The following ATP9B variants were observed in gnomAD, a reference collection of about 807,000 sequenced individuals.
ATP9B encodes the protein ATPase phospholipid transporting 9B, also known as probable phospholipid-transporting ATPase IIB.
A neutral mutation model predicts 146.1 loss-of-function variants in ATP9B; 110 were observed. The ratio of observed to expected loss-of-function variants is 0.75; its 90% CI spans 0.65 to 0.88. ATP9B has a LOEUF of 0.88. Among genes scored for constraint, ATP9B ranks in the 40% least tolerant of loss-of-function variants. ATP9B has a pLI of 0.00. For synonymous variants in ATP9B, 604 were observed against 569.7 expected, an observed-to-expected ratio of 1.06 and a Z score of -0.86; for missense variants, 1,499 against 1,496.4, an observed-to-expected ratio of 1.00 and a Z score of -0.03.
chr18:79,137,291 G>T (rs78711049), intron 5 of ATP9B, among the ~76,000 whole-genome samples: 2 of 152,000 alleles, frequency 1.3e-5, no homozygotes, highest in Non-Finnish European at 2.9e-5. Flanking sequence ...TTTTCTCCTC[G>T]TATGGGTCAT....
At chr18:79,178,978 A>G (rs181771103) in intron 8 of ATP9B, among the ~76,000 whole-genome samples, 65 of 152,326 alleles carry the variant, frequency 4.3e-4, no homozygotes, top group African/African-American at 1.5e-3. Context: ...TTTTGGAACT[A>G]TCTGATCCAA....
chr18:79,212,075 A>G (rs559016251), intron 10 of ATP9B, among the ~76,000 whole-genome samples: 2 of 152,280 alleles, frequency 1.3e-5, no homozygotes, highest in African/African-American at 4.8e-5. Flanking sequence ...TTTGCCTTGT[A>G]TACTCAGGTT....
intron 14 of ATP9B, among the ~76,000 whole-genome samples, chr18:79,305,301 CTT>C: frequency 6.6e-6 from 1 of 152,340 alleles, no homozygotes; most frequent in African/African-American, 2.4e-5. Context: ...AAAACCTTCT[CTT>C]TCTTGTATAC....
Position 79,085,308 on chromosome 18 carries a change from T to C in ATP9B, c.120-11168T>C, listed in dbSNP as rs2073713100. On this transcript the variant is annotated intron_variant, in intron 1 of 29. Coordinates refer to ENST00000426216, the MANE Select transcript of ATP9B (RefSeq NM_198531.5). ...TCCCACTAGGCCCCACCTCTGACATTGGGGATCACATTTCAACATGAAATT... is the reference window on the plus strand; with the variant it reads ...TCCCACTAGGCCCCACCTCTGACATCGGGGATCACATTTCAACATGAAATT... 1.3e-5 allele frequency: 2 copies of C among 152,182 alleles called. 1 individual carries two copies. Among genetic ancestry groups the C allele is most frequent in the South Asian group, 4.1e-4 (2 of 4,830 alleles). 9.4% of individuals were successfully genotyped at this position (152,182 alleles called of 1,614,324 possible). A position where few individuals can be genotyped will look rare whatever the true frequency, so the allele number is the denominator to read the frequency against.
At chr18:79,183,824 C>T (rs993057830) in intron 8 of ATP9B, among the ~76,000 whole-genome samples, 2 of 149,980 alleles carry the variant, frequency 1.3e-5, no homozygotes, top group Non-Finnish European at 3.0e-5. Context: ...GTAAGTTGCA[C>T]CAGTACCATT....
chr18:79,285,616 G>A (rs1568575629), intron 13 of ATP9B, among the ~76,000 whole-genome samples: 2 of 150,258 alleles, frequency 1.3e-5, no homozygotes, highest in African/African-American at 5.0e-5. Context: ...AAGCTCTTTA[G>A]TTTAATTAGA....
chr18:79,152,353 T>C (rs1418289883), intron 6 of ATP9B, among the ~76,000 whole-genome samples: 1 of 152,248 alleles, frequency 6.6e-6, no homozygotes, highest in Non-Finnish European at 1.5e-5. Context: ...TCTCTTGGCA[T>C]TTCTCTTCTG....
chr18:79,085,261 C>A (rs1462636440), intron 1 of ATP9B: 1 of 152,168 alleles, frequency 6.6e-6, no homozygotes, highest in Non-Finnish European at 1.5e-5. Flanking sequence ...GAGGACCACC[C>A]CCTACCCCAT....
chr18:79,158,045 C>T (rs191560832), intron 7 of ATP9B, among the ~76,000 whole-genome samples: 1 of 152,090 alleles, frequency 6.6e-6, no homozygotes, highest in African/African-American at 2.4e-5. Context: ...CTTCCTTCCA[C>T]TTATTTTCTG....
In ATP9B at chr18:79,291,645, A is replaced by G. The variant is rs78100393; in HGVS notation, c.1412-11959A>G. Among the ~76,000 whole-genome samples, 46 of 152,366 alleles carry G rather than the reference A, an allele frequency of 3.0e-4. No homozygotes were observed. The East Asian group carries it at 5.2e-3, about 17-fold the overall frequency. On this transcript the variant is annotated intron_variant, in intron 13 of 29. Coordinates refer to ENST00000426216, the MANE Select transcript of ATP9B (RefSeq NM_198531.5). ...ACAAGGTGTGATTGCATTTATTCACATGGACAGAATAACAAACCCAAAAAC... is the reference window on the plus strand; with the variant it reads ...ACAAGGTGTGATTGCATTTATTCACGTGGACAGAATAACAAACCCAAAAAC...
chr18:79,142,724 G>A (rs1273529309), intron 5 of ATP9B, among the ~76,000 whole-genome samples: 2 of 152,086 alleles, frequency 1.3e-5, no homozygotes, highest in African/African-American at 4.8e-5. Flanking sequence ...GCCCTTATTG[G>A]CTTGTATAAT....
At chr18:79,351,521 A>G (rs1471666208) in intron 25 of ATP9B, among the ~76,000 whole-genome samples, 1 of 152,262 alleles carries the variant, frequency 6.6e-6, no homozygotes, top group Non-Finnish European at 1.5e-5. Flanking sequence ...GGAAATAAAT[A>G]CCAAGAATTG....
At chr18:79,372,009 G>A (rs1053803073) in intron 26 of ATP9B, among the ~76,000 whole-genome samples, 1 of 152,236 alleles carries the variant, frequency 6.6e-6, no homozygotes, top group African/African-American at 2.4e-5. Flanking sequence ...ATGCGAAGGT[G>A]TCAAACAAAG....
intron 11 of ATP9B, among the ~76,000 whole-genome samples, chr18:79,216,068 T>C (rs1201246826): frequency 7.2e-6 from 1 of 139,436 alleles, no homozygotes; most frequent in Non-Finnish European, 1.5e-5. Flanking sequence ...ATGATGATAT[T>C]TGAGGGTAAA....
At chr18:79,262,304 A>G (rs1599381185) in intron 12 of ATP9B, among the ~76,000 whole-genome samples, 2 of 152,260 alleles carry the variant, frequency 1.3e-5, no homozygotes, top group Admixed American at 6.5e-5. Context: ...ATACTTTTCT[A>G]TAATTTATGT....
chr18:79,105,235 T>G (rs1365251200), intron 2 of ATP9B, among the ~76,000 whole-genome samples: 1 of 152,240 alleles, frequency 6.6e-6, no homozygotes, highest in East Asian at 1.9e-4. Context: ...TGTGAATGTT[T>G]GCTACTTTTT....
Position 79,213,949 on chromosome 18 carries a change from C to A in ATP9B, c.1031-13C>A. 1 of 1,582,368 alleles carries A rather than the reference C, an allele frequency of 6.3e-7. No individual in the cohort carries two copies. Among genetic ancestry groups the A allele is most frequent in the Non-Finnish European group, 8.6e-7 (1 of 1,167,210 alleles). Reference sequence around the variant, plus strand: ...AAAGTATTTCTACAAGGACCACTTTCATGTTTTTGCAGGTACTGTAATAGG... The same window carrying A: ...AAAGTATTTCTACAAGGACCACTTTAATGTTTTTGCAGGTACTGTAATAGG... On this transcript the variant is annotated splice_polypyrimidine_tract_variant and intron_variant, in intron 10 of 29. Transcript: ENST00000426216.
chr18:79,288,907 G>A (rs2096471904), intron 13 of ATP9B, among the ~76,000 whole-genome samples: 1 of 152,202 alleles, frequency 6.6e-6, no homozygotes, highest in African/African-American at 2.4e-5. Context: ...ATTCTCGGTT[G>A]AAAATTCTTT....
chr18:79,175,397 T>A (rs2095148687), intron 7 of ATP9B, among the ~76,000 whole-genome samples: 1 of 152,162 alleles, frequency 6.6e-6, no homozygotes, highest in South Asian at 2.1e-4. Context: ...CAGTATAAGA[T>A]ATATTCAAAA....
Sources: allele counts gnomAD v4.1 joint callset (sites outside exome capture counted in the v4.1 genomes callset), GRCh38; gene constraint gnomAD v4.1.1; transcripts MANE v1.5; gene names NCBI Gene and HGNC (gene_info 2026-07-23, HGNC 2026-07-21).